Variants in NFX1 observed in about 807,000 individuals in gnomAD.
The protein encoded by NFX1 is nuclear transcription factor, X-box binding 1, also known as transcriptional repressor NF-X1.
Under a neutral mutation model 137.2 loss-of-function variants are expected in NFX1, and 69 were observed. That is an observed-to-expected ratio of 0.50 (90% CI 0.41 to 0.61). NFX1 has a LOEUF of 0.61. Ranked by LOEUF, NFX1 falls within the 20% of genes least tolerant of loss-of-function variation. The pLI is 0.00. For synonymous variants in NFX1, 495 were observed against 474.1 expected (o/e 1.04, Z -0.57); for missense variants, 1,167 against 1,391.0 (o/e 0.84, Z 2.56).
chr9:33,327,676 C>G (rs1364799317), intron 9 of NFX1, among the ~76,000 whole-genome samples: 1 of 152,094 alleles, frequency 6.6e-6, no homozygotes, highest in East Asian at 1.9e-4. Flanking sequence ...TGGAGACAAT[C>G]TTTATAGTCA....
At chr9:33,364,168 G>A (rs571706080) in intron 20 of NFX1, 60 bp downstream of exon 20, 2 of 1,226,098 alleles carry the variant, frequency 1.6e-6, no homozygotes, top group African/African-American at 3.0e-5. Flanking sequence ...GGTCTTTTGA[G>A]ATGTCATAAC....
intron 16 of NFX1, 63 bp from the exon 17 acceptor site, chr9:33,352,583 A>G: frequency 7.1e-7 from 1 of 1,406,148 alleles, no homozygotes; most frequent in South Asian, 1.2e-5. Context: ...TTTAAGAGTG[A>G]AAAGTGCTTT....
chr9:33,350,303 CAAAAAA>C (rs35938162), intron 15 of NFX1, among the ~76,000 whole-genome samples: 2 of 53,394 alleles, frequency 3.7e-5, no homozygotes, highest in Non-Finnish European at 7.6e-5. Flanking sequence ...GACTCCATCT[CAAAAAA>C]AAAAAAAAAA....
chr9:33,351,415 C>T lies in NFX1; in HGVS notation c.2425-145C>T, dbSNP rs966221184. The T allele has an allele frequency of 1.2e-5, 9 of 733,076 alleles. No individual in the cohort carries two copies. The African/African-American group carries it at 1.2e-4, about 10-fold the overall frequency. 45.4% of individuals were successfully genotyped at this position (733,076 alleles called of 1,614,324 possible). A position where few individuals can be genotyped will look rare whatever the true frequency, so the allele number is the denominator to read the frequency against. On this transcript the variant is annotated intron_variant, in intron 15 of 23. Coordinates refer to ENST00000379540, the MANE Select transcript of NFX1 (RefSeq NM_002504.6). ...AAGTCATAATCACACTGTTGCACTC[C>T]AGCCTGGGCAACAGTGAAACCCTAT...
intron 19 of NFX1, among the ~76,000 whole-genome samples, chr9:33,357,225 C>A (rs1404588126): frequency 1.3e-5 from 2 of 151,996 alleles, no homozygotes; most frequent in Admixed American, 6.6e-5. Flanking sequence ...TGGCATGAAC[C>A]CAGGAGGCGG....
intron 9 of NFX1, among the ~76,000 whole-genome samples, chr9:33,320,833 T>G (rs955008443): frequency 1.3e-5 from 2 of 152,240 alleles, no homozygotes; most frequent in African/African-American, 4.8e-5. Flanking sequence ...TTGGTTTCCA[T>G]TTCATCAAAA....
At chr9:33,306,897 G>T (rs763030054) in intron 4 of NFX1, among the ~76,000 whole-genome samples, 18 of 152,016 alleles carry the variant, frequency 1.2e-4, no homozygotes, top group Non-Finnish European at 2.4e-4. Flanking sequence ...TGTCTTATAG[G>T]TATTTATCTT....
At chr9:33,291,152 C>A (rs547677987) in intron 1 of NFX1, among the ~76,000 whole-genome samples, 1 of 152,334 alleles carries the variant, frequency 6.6e-6, no homozygotes, top group African/African-American at 2.4e-5. Context: ...TTCACTCACT[C>A]CCCCTCCTGG....
chr9:33,312,087 C>G (rs1168469620), intron 6 of NFX1, among the ~76,000 whole-genome samples: 1 of 152,184 alleles, frequency 6.6e-6, no homozygotes, highest in Admixed American at 6.5e-5. Context: ...TGGAGTGTCT[C>G]TGAGGCCCAG....
chr9:33,361,084 G>C (rs1209445629), intron 19 of NFX1, among the ~76,000 whole-genome samples: 1 of 152,132 alleles, frequency 6.6e-6, no homozygotes, highest in African/African-American at 2.4e-5. Context: ...CCCACAACTG[G>C]AAACATTTTC....
At chr9:33,304,544 A>C (rs1821686079) in intron 4 of NFX1, among the ~76,000 whole-genome samples, 1 of 152,244 alleles carries the variant, frequency 6.6e-6, no homozygotes. Flanking sequence ...TTCTAGATGC[A>C]ATACCTTGGT....
intron 19 of NFX1, among the ~76,000 whole-genome samples, chr9:33,362,215 A>C (rs1386490146): frequency 6.6e-6 from 1 of 152,116 alleles, no homozygotes; most frequent in Non-Finnish European, 1.5e-5. Context: ...AACAGTATGG[A>C]ATTTCCTCAC....
chr9:33,341,320 C>G (rs915502810), intron 12 of NFX1, among the ~76,000 whole-genome samples: 1 of 152,150 alleles, frequency 6.6e-6, no homozygotes, highest in Non-Finnish European at 1.5e-5. Context: ...CATTAGATCT[C>G]ATGAGACTTA....
rs1821787647 is a variant in NFX1, at chr9:33,307,316, A to T, written c.1376+17A>T. On this transcript the variant is annotated intron_variant, in intron 5 of 23. Coordinates refer to ENST00000379540, the MANE Select transcript of NFX1 (RefSeq NM_002504.6). The stretch of plus-strand genomic sequence containing the variant: ...CTGTAACCTGTAAGTTGGAATGCTA[A>T]TTCCGTTGGGATTGCTGGTGGACAT... 6.2e-7 allele frequency: 1 copy of T among 1,600,294 alleles called. No individual in the cohort carries two copies. Among genetic ancestry groups the T allele is most frequent in the African/African-American group, 1.3e-5 (1 of 74,752 alleles).
chr9:33,340,785 G>C (rs1027284796), intron 12 of NFX1, among the ~76,000 whole-genome samples: 2 of 152,172 alleles, frequency 1.3e-5, no homozygotes, highest in Admixed American at 1.3e-4. Flanking sequence ...AAGTTCCACA[G>C]ATCTCTAGGG....
intron 3 of NFX1, among the ~76,000 whole-genome samples, chr9:33,302,926 A>G (rs1821625113): frequency 6.8e-6 from 1 of 147,952 alleles, no homozygotes; most frequent in African/African-American, 2.5e-5. Flanking sequence ...CCTCTGCTTC[A>G]CAAAGCGCTG....
At chr9:33,319,962 TTTC>T (rs1822322044) in intron 9 of NFX1, among the ~76,000 whole-genome samples, 1 of 151,100 alleles carries the variant, frequency 6.6e-6, no homozygotes. Flanking sequence ...TTTCTTTTCT[TTTC>T]TTTTTTTTTT....
intron 10 of NFX1, among the ~76,000 whole-genome samples, chr9:33,331,445 T>TG (rs1410630596): frequency 6.6e-6 from 1 of 152,260 alleles, no homozygotes; most frequent in Non-Finnish European, 1.5e-5. Flanking sequence ...ATGGGAGTTC[T>TG]GCCTTTCCTG....
intron 12 of NFX1, among the ~76,000 whole-genome samples, chr9:33,342,413 G>A (rs1225957294): frequency 6.6e-6 from 1 of 152,148 alleles, no homozygotes; most frequent in Non-Finnish European, 1.5e-5. Context: ...AGTGAGCCAA[G>A]ATTGCTCCAC....
Sources: gnomAD v4.1 joint callset for allele counts (sites outside exome capture counted in the v4.1 genomes callset) on GRCh38, gnomAD v4.1.1 for gene constraint, MANE v1.5 for transcripts, NCBI Gene and HGNC (gene_info 2026-07-23, HGNC 2026-07-21) for gene names.